ACOT12: variants seen among roughly 807,000 people sequenced by gnomAD.
ACOT12 encodes the protein acyl-CoA thioesterase 12.
ACOT12 carries 51 observed loss-of-function variants against 67.7 expected under a neutral mutation model. The ratio of observed to expected loss-of-function variants is 0.75; its 90% CI spans 0.60 to 0.95. The LOEUF (loss-of-function observed/expected upper bound fraction) is 0.95, where lower values mean the gene tolerates loss of function less well. Among genes scored for constraint, ACOT12 ranks in the 40% least tolerant of loss-of-function variants. ACOT12 has a pLI of 0.00. For missense variants in ACOT12, 734 were observed against 708.1 expected, an observed-to-expected ratio of 1.04 and a Z score of -0.41; for synonymous variants, 251 against 244.6, an observed-to-expected ratio of 1.03 and a Z score of -0.24.
Position 81,343,847 on chromosome 5 carries a change from G to A in ACOT12, c.1015C>T (p.Leu339Phe). The part of the protein sequence containing the change: ...YVISHKEEVP[L>F]CIHWDISKQA... The stretch of plus-strand genomic sequence containing the variant: ...TTGCTGATATCCCAGTGTATGCAAA[G>A]TGGAACCTCTTCTTTGTGGGAAATA... The change falls in exon 10 of 15, where the codon CTT becomes TTT. Residue 339 changes from leucine (L) to phenylalanine (F), a missense_variant. Physicochemically the swap from Leu to Phe is conservative, Grantham distance 22. Coordinates refer to ENST00000307624, the MANE Select transcript of ACOT12 (RefSeq NM_130767.3). 3 of 1,613,630 alleles carry A rather than the reference G, an allele frequency of 1.9e-6. No homozygotes were observed. Among genetic ancestry groups the A allele is most frequent in the Non-Finnish European group, 1.7e-6 (2 of 1,179,878 alleles).
rs202145349 is a variant in ACOT12, at chr5:81,385,811, C to G, written c.143G>C (p.Gly48Ala). The change falls in exon 2 of 15, where the codon GGA becomes GCA. Residue 48 changes from glycine (G) to alanine (A), a missense_variant. By Grantham distance (60) the Gly-to-Ala change is moderately conservative. Coordinates refer to ENST00000307624, the MANE Select transcript of ACOT12 (RefSeq NM_130767.3). ...TACLAAEKHA[G>A]VSCVTASVDD... The stretch of plus-strand genomic sequence containing the variant: ...CACTGAGGCTGTAACGCAGGAAACT[C>G]CAGCATGTTTCTCAGCTTCAAAAAA... 2 of 1,613,998 alleles carry G rather than the reference C, an allele frequency of 1.2e-6. No homozygotes were observed. Among genetic ancestry groups the G allele is most frequent in the African/African-American group, 2.7e-5 (2 of 75,040 alleles).
rs747692756 is a variant in ACOT12, at chr5:81,365,706, C to T, written c.259-1817G>A. Among the ~76,000 whole-genome samples the T allele has an allele frequency of 9.9e-5, 15 of 152,236 alleles. 1 individual carries two copies. In the East Asian group the frequency reaches 1.2e-3, roughly 12 times the overall value. ...TAGGAAGCATCTACTTTCACACCTA[C>T]GAAAATAGGCAACACAGGACTGTGA... On this transcript the variant is annotated intron_variant, in intron 3 of 14. Coordinates refer to ENST00000307624, the MANE Select transcript of ACOT12 (RefSeq NM_130767.3).
chr5:81,311,244 A>G, the ACOT12 span: 1 of 1,614,136 alleles, frequency 6.2e-7, no homozygotes, highest in Non-Finnish European at 8.5e-7. Context: ...TCTGTGGAAC[A>G]TTTAAAGAAA....
the ACOT12 span, among the ~76,000 whole-genome samples, chr5:81,320,568 G>A: frequency 2.0e-5 from 3 of 152,076 alleles, no homozygotes; most frequent in African/African-American, 7.2e-5. Context: ...TGCTGGCAAC[G>A]GCAGAATCAT....
chr5:81,384,606 A>G (rs1185977010), intron 2 of ACOT12, among the ~76,000 whole-genome samples: 1 of 152,180 alleles, frequency 6.6e-6, no homozygotes, highest in Non-Finnish European at 1.5e-5. Context: ...TATACCACAT[A>G]GCCTAGGTGT....
At chr5:81,320,244 G>A in the ACOT12 span, among the ~76,000 whole-genome samples, 1 of 152,216 alleles carries the variant, frequency 6.6e-6, no homozygotes, top group Non-Finnish European at 1.5e-5. Flanking sequence ...TGCTGAAGCT[G>A]AGGGTATCTG....
Position 81,371,544 on chromosome 5 carries a change from T to C in ACOT12, c.258+206A>G, listed in dbSNP as rs946905832. Among the ~76,000 whole-genome samples the C allele has an allele frequency of 2.8e-4, 43 of 152,222 alleles. 1 individual carries two copies. The highest frequency in any genetic ancestry group is 1.0e-3 in the African/African-American group (42 of 41,462). ...CTGGGATTATAGGTGTGAGCTACCA[T>C]GCCTGGCCATGTTGAATTTTAGCTG... On this transcript the variant is annotated intron_variant, in intron 3 of 14. Transcript: ENST00000307624.
At chr5:81,312,629 C>G in the ACOT12 span, 4 of 1,613,452 alleles carry the variant, frequency 2.5e-6, no homozygotes, top group Non-Finnish European at 2.5e-6. Flanking sequence ...CGCAAAAACC[C>G]AAAACAAAAA....
At chr5:81,347,696 CAAG>C (rs1167592650) in intron 6 of ACOT12, 75 bp downstream of exon 6, 2 of 1,502,010 alleles carry the variant, frequency 1.3e-6, no homozygotes, top group Non-Finnish European at 1.8e-6. Flanking sequence ...TTGACTATCC[CAAG>C]AACTGGATCT....
At chr5:81,347,653 G>A (rs530181068) in intron 6 of ACOT12, 121 bp downstream of exon 6, 2 of 1,084,762 alleles carry the variant, frequency 1.8e-6, no homozygotes, top group East Asian at 2.5e-5. Context: ...CATTATAAAA[G>A]GCAACATTTT....
chr5:81,325,305 T>C (rs1377733315), downstream of ACOT12, among the ~76,000 whole-genome samples: 2 of 152,144 alleles, frequency 1.3e-5, no homozygotes, highest in East Asian at 3.9e-4. Context: ...CAGTGTGAAA[T>C]AGCAAACATC....
At chr5:81,312,781 CTGGGTG>C in the ACOT12 span, 1 of 684,450 alleles carries the variant, frequency 1.5e-6, no homozygotes, top group Non-Finnish European at 2.5e-6. Flanking sequence ...TCAGTATGAT[CTGGGTG>C]TGGCCAAAAA....
downstream of ACOT12, among the ~76,000 whole-genome samples, chr5:81,329,236 T>A (rs1283186495): frequency 6.6e-6 from 1 of 152,222 alleles, no homozygotes; most frequent in East Asian, 1.9e-4. Context: ...AGGTCTGAAA[T>A]TTTAGTTTAA....
chr5:81,330,839 T>C lies in ACOT12; in HGVS notation c.1493A>G (p.His498Arg), dbSNP rs1758794934. Residue 498 changes from histidine to arginine, a missense_variant, in exon 14 of 15, where the codon CAT becomes CGT. Coordinates refer to ENST00000307624, the MANE Select transcript of ACOT12 (RefSeq NM_130767.3). ...GATGCATGAATTGCTGTCAATAGCA[T>C]GGATGAGAAATCCGGCACATATGAT... is the stretch of plus-strand genomic sequence containing the variant. ...SEIICAGFLI[H>R]AIDSNSCIVS... 7.4e-6 allele frequency: 12 copies of C among 1,614,090 alleles called. No homozygotes were observed. Among genetic ancestry groups the C allele is most frequent in the South Asian group, 1.1e-5 (1 of 91,064 alleles).
chr5:81,322,947 G>A, the ACOT12 span, among the ~76,000 whole-genome samples: 5 of 152,026 alleles, frequency 3.3e-5, no homozygotes, highest in African/African-American at 1.2e-4. Flanking sequence ...TTGACATGTG[G>A]GGATTATAGG....
At chr5:81,369,168 C>T (rs78075313) in intron 3 of ACOT12, among the ~76,000 whole-genome samples, 1 of 149,058 alleles carries the variant, frequency 6.7e-6, no homozygotes, top group Non-Finnish European at 1.5e-5. Context: ...AAAAAAAAAA[C>T]TCACACTCAT....
chr5:81,366,480 G>C (rs1161480511), intron 3 of ACOT12, among the ~76,000 whole-genome samples: 1 of 152,158 alleles, frequency 6.6e-6, no homozygotes, highest in East Asian at 1.9e-4. Flanking sequence ...TCTTCTTAAA[G>C]GATAAGGCCA....
At chr5:81,366,458 G>A (rs1242468728) in intron 3 of ACOT12, among the ~76,000 whole-genome samples, 3 of 152,160 alleles carry the variant, frequency 2.0e-5, no homozygotes, top group African/African-American at 4.8e-5. Context: ...TTTGGAAAAG[G>A]AGTCAGCAAT....
intron 2 of ACOT12, among the ~76,000 whole-genome samples, chr5:81,376,746 G>T (rs190626549): frequency 3.9e-5 from 6 of 152,162 alleles, no homozygotes; most frequent in East Asian, 3.9e-4. Context: ...TAGAAGAAAT[G>T]GATAAATTCC....
Sources: gnomAD v4.1 joint callset for allele counts (sites outside exome capture counted in the v4.1 genomes callset) on GRCh38, gnomAD v4.1.1 for gene constraint, MANE v1.5 for transcripts, NCBI Gene and HGNC (gene_info 2026-07-23, HGNC 2026-07-21) for gene names.